The following MAPRE2 variants were observed in gnomAD, a reference collection of about 807,000 sequenced individuals.
MAPRE2 encodes the protein microtubule associated protein RP/EB family member 2.
Under a neutral mutation model 43.2 loss-of-function variants are expected in MAPRE2, and 13 were observed. That is an observed-to-expected ratio of 0.30 (90% CI 0.20 to 0.48). MAPRE2 has a LOEUF of 0.48. MAPRE2 is among the 20% of genes least tolerant of loss of function. The probability of loss-of-function intolerance (pLI) is 0.99; values close to 1 mark genes in which losing one functional copy is unlikely to be tolerated. For missense variants in MAPRE2, 161 were observed against 400.2 expected (o/e 0.40, Z 5.10); for synonymous variants, 135 against 148.8 (o/e 0.91, Z 0.68).
intron 4 of MAPRE2, among the ~76,000 whole-genome samples, chr18:35,125,845 C>T (rs1422779083): frequency 6.6e-6 from 1 of 152,178 alleles, no homozygotes; most frequent in Non-Finnish European, 1.5e-5. Context: ...CACTTCACAA[C>T]ATTATTAGTG....
chr18:35,082,247 G>T (rs1362691036), intron 2 of MAPRE2: 1 of 65,854 alleles, frequency 1.5e-5, no homozygotes, highest in African/African-American at 2.5e-4. Context: ...CCGAGATTGC[G>T]CCACTGCACT....
intron 1 of MAPRE2, among the ~76,000 whole-genome samples, chr18:35,065,958 C>A (rs549797681): frequency 6.6e-6 from 1 of 152,308 alleles, no homozygotes; most frequent in East Asian, 1.9e-4. Context: ...AAGGATGGGA[C>A]AGAGAGATGC....
chr18:35,062,179 G>C (rs1906567633), intron 1 of MAPRE2, among the ~76,000 whole-genome samples: 1 of 152,278 alleles, frequency 6.6e-6, no homozygotes, highest in East Asian at 1.9e-4. Flanking sequence ...TCTGTGATGG[G>C]ACTGAATATC....
At chr18:35,018,688 C>A (rs1331526628) in intron 2 of MAPRE2, among the ~76,000 whole-genome samples, 1 of 151,514 alleles carries the variant, frequency 6.6e-6, no homozygotes, top group Non-Finnish European at 1.5e-5. Context: ...TTGTCACTTC[C>A]AATTGTACTT....
At chr18:35,115,411 T>C (rs1909366875) in intron 4 of MAPRE2, among the ~76,000 whole-genome samples, 1 of 152,222 alleles carries the variant, frequency 6.6e-6, no homozygotes, top group Admixed American at 6.5e-5. Flanking sequence ...AGATGGTTTT[T>C]GGCTATATGG....
intron 1 of MAPRE2, among the ~76,000 whole-genome samples, chr18:34,983,777 A>G (rs1368231905): frequency 6.6e-6 from 1 of 152,120 alleles, no homozygotes; most frequent in East Asian, 1.9e-4. Context: ...TTACAGGCAC[A>G]TGCCACCATA....
chr18:34,980,898 A>G (rs1381056502), intron 1 of MAPRE2, among the ~76,000 whole-genome samples: 2 of 152,174 alleles, frequency 1.3e-5, no homozygotes, highest in East Asian at 1.9e-4. Flanking sequence ...TTAAAATAGC[A>G]TAAGTACATT....
chr18:34,980,042 T>TC (rs2097015360), intron 1 of MAPRE2, among the ~76,000 whole-genome samples: 1 of 38,516 alleles, frequency 2.6e-5, no homozygotes. Context: ...TTTTTTTTTT[T>TC]TTTTTTTTTT....
chr18:35,062,660 CCT>C (rs1449356261), intron 1 of MAPRE2, among the ~76,000 whole-genome samples: 1 of 152,170 alleles, frequency 6.6e-6, no homozygotes, highest in East Asian at 1.9e-4. Flanking sequence ...GTCCTTCTCC[CCT>C]GTTGGCATGT....
At chr18:35,104,803 C>T (rs193061245) in intron 4 of MAPRE2, among the ~76,000 whole-genome samples, 40 of 152,134 alleles carry the variant, frequency 2.6e-4, no homozygotes, top group African/African-American at 8.4e-4. Flanking sequence ...TCTCCAAAGT[C>T]TGGGATTCAG....
intron 2 of MAPRE2, among the ~76,000 whole-genome samples, chr18:35,096,827 AAGTAATACTT>A (rs1327497240): frequency 8.3e-4 from 126 of 152,106 alleles, no homozygotes; most frequent in Admixed American, 4.4e-3. Flanking sequence ...AATACTTAAT[AAGTAATACTT>A]AGTAATACTT....
intron 3 of MAPRE2, among the ~76,000 whole-genome samples, chr18:35,100,270 C>G (rs1238374208): frequency 6.6e-6 from 1 of 152,040 alleles, no homozygotes; most frequent in Non-Finnish European, 1.5e-5. Flanking sequence ...TTTAAAAAAA[C>G]AGCAAATTAC....
intron 2 of MAPRE2, among the ~76,000 whole-genome samples, chr18:35,078,749 G>A (rs180771080): frequency 2.0e-5 from 3 of 151,562 alleles, no homozygotes; most frequent in African/African-American, 7.3e-5. Flanking sequence ...AAGAAAGAAA[G>A]TCTTTATCTC....
At chr18:35,093,746 A>G (rs1325582134) in intron 2 of MAPRE2, among the ~76,000 whole-genome samples, 1 of 152,170 alleles carries the variant, frequency 6.6e-6, no homozygotes, top group East Asian at 1.9e-4. Context: ...TAGAATAATG[A>G]TTTCCAGAGA....
chr18:35,018,009 T>C (rs1364729746), intron 2 of MAPRE2, among the ~76,000 whole-genome samples: 1 of 151,440 alleles, frequency 6.6e-6, no homozygotes, highest in Non-Finnish European at 1.5e-5. Context: ...TGAAGGTTTT[T>C]ATCATAAAAG....
chr18:35,021,137 A>G (rs2150587639), intron 2 of MAPRE2, among the ~76,000 whole-genome samples: 1 of 152,264 alleles, frequency 6.6e-6, no homozygotes, highest in East Asian at 1.9e-4. Flanking sequence ...ATAATGGAGG[A>G]TTAAGGAAGA....
At position 34,991,924 on chromosome 18, in the gene MAPRE2, T is replaced by G. The variant is rs187840910; in HGVS notation, c.-69-13568T>G. On this transcript the variant is annotated intron_variant, in intron 1 of 7. Coordinates refer to the MAPRE2 transcript ENST00000413393. Reference sequence around the variant, plus strand: ...GGCCCATCCCAATGGGAAGAGATTTTTAACACTATGTTCTTGTGAGGCCTA... The same window carrying G: ...GGCCCATCCCAATGGGAAGAGATTTGTAACACTATGTTCTTGTGAGGCCTA... Among the ~76,000 whole-genome samples, 172 of 152,332 alleles carry G rather than the reference T, an allele frequency of 1.1e-3. 1 individual carries two copies. Among genetic ancestry groups the G allele is most frequent in the African/African-American group, 4.0e-3 (167 of 41,570 alleles).
intron 2 of MAPRE2, among the ~76,000 whole-genome samples, chr18:35,007,997 TG>T (rs967719094): frequency 6.6e-6 from 1 of 152,154 alleles, no homozygotes; most frequent in African/African-American, 2.4e-5. Context: ...TGGATTCTTG[TG>T]GGGGAAGGAA....
chr18:35,115,936 C>CTCAG, intron 4 of MAPRE2, among the ~76,000 whole-genome samples: 1 of 152,276 alleles, frequency 6.6e-6, no homozygotes, highest in Non-Finnish European at 1.5e-5. Flanking sequence ...TACCTGAATT[C>CTCAG]TCAGTCATTC....
Sources: allele counts gnomAD v4.1 joint callset (sites outside exome capture counted in the v4.1 genomes callset), GRCh38; gene constraint gnomAD v4.1.1; transcripts MANE v1.5; gene names NCBI Gene and HGNC (gene_info 2026-07-23, HGNC 2026-07-21).